Variants in CTHRC1 observed in about 807,000 individuals in gnomAD.
CTHRC1 encodes the protein collagen triple helix repeat-containing protein 1.
CTHRC1 carries 21 observed loss-of-function variants against 25.9 expected under a neutral mutation model. That is an observed-to-expected ratio of 0.81 (90% CI 0.57 to 1.17). CTHRC1 has a LOEUF of 1.17. CTHRC1 is among the 50% of genes most tolerant of loss of function. The probability of loss-of-function intolerance (pLI) is 0.00; values close to 1 mark genes in which losing one functional copy is unlikely to be tolerated. For synonymous variants in CTHRC1, 109 were observed against 113.1 expected (o/e 0.96, Z 0.23); for missense variants, 281 against 304.3 (o/e 0.92, Z 0.57).
intron 3 of CTHRC1, among the ~76,000 whole-genome samples, chr8:103,379,391 G>A (rs959972823): frequency 6.6e-6 from 1 of 151,756 alleles, no homozygotes; most frequent in Non-Finnish European, 1.5e-5. Context: ...CATGATTACA[G>A]GCATGAGCCA....
intron 1 of CTHRC1, chr8:103,372,720 T>G (rs1586550533): frequency 7.1e-7 from 1 of 1,416,874 alleles, no homozygotes; most frequent in Non-Finnish European, 9.8e-7. Flanking sequence ...GGCGGAGAGG[T>G]TCTCTGGCCT....
intron 3 of CTHRC1, among the ~76,000 whole-genome samples, chr8:103,379,704 AT>A (rs1284121253): frequency 9.9e-5 from 15 of 152,160 alleles, no homozygotes; most frequent in African/African-American, 3.1e-4. Context: ...TAATCTTATA[AT>A]TAAAAATGGT....
At chr8:103,372,419 GC>G in intron 1 of CTHRC1, 2 of 1,479,036 alleles carry the variant, frequency 1.4e-6, no homozygotes, top group South Asian at 2.7e-5. Context: ...CACAGCTGGG[GC>G]TAGGAATGGT....
intron 1 of CTHRC1, chr8:103,372,654 G>T (rs1815729000): frequency 6.3e-7 from 1 of 1,597,578 alleles, no homozygotes. Context: ...GCTCATCTGT[G>T]GGAAGGTATG....
At position 103,382,444 on chromosome 8, in the gene CTHRC1, T is replaced by TC. The variant is rs1563710984; in HGVS notation, c.590-13dup. ...GTTCTAAAGAAAGATGTAACTTTCA[T>TC]CTTTGTCTTGCAGTGGAAGGACTTT... On this transcript the variant is annotated splice_polypyrimidine_tract_variant and intron_variant, in intron 3 of 3. Coordinates refer to ENST00000330295, the MANE Select transcript of CTHRC1 (RefSeq NM_138455.4). The TC allele has an allele frequency of 6.2e-7, 1 of 1,613,706 alleles. No individual in the cohort carries two copies. Among genetic ancestry groups the TC allele is most frequent in the Non-Finnish European group, 8.5e-7 (1 of 1,179,688 alleles).
chr8:103,377,636 C>T (rs964686051), intron 2 of CTHRC1, among the ~76,000 whole-genome samples: 1 of 152,118 alleles, frequency 6.6e-6, no homozygotes, highest in African/African-American at 2.4e-5. Context: ...CAGAGTCTCA[C>T]TTTTTTGCCC....
intron 3 of CTHRC1, among the ~76,000 whole-genome samples, chr8:103,379,120 T>C (rs929958371): frequency 6.6e-6 from 1 of 152,248 alleles, no homozygotes; most frequent in Non-Finnish European, 1.5e-5. Context: ...CTGCTGAATT[T>C]GTAAAAGACA....
At chr8:103,376,060 TAAAAA>T (rs72124849) in intron 2 of CTHRC1, 101 bp downstream of exon 2, 83,693 of 908,696 alleles carry the variant, frequency 0.092, 4,519 homozygotes, top group East Asian at 0.18. Context: ...CTAAAAGACT[TAAAAA>T]AGAGAAGTAG....
intron 3 of CTHRC1, among the ~76,000 whole-genome samples, chr8:103,380,600 G>A (rs1257193314): frequency 6.6e-6 from 1 of 152,150 alleles, no homozygotes; most frequent in South Asian, 2.1e-4. Flanking sequence ...CCAACATATC[G>A]TTTTTACTTA....
chr8:103,376,179 TC>T, intron 2 of CTHRC1: 1 of 606,118 alleles, frequency 1.6e-6, no homozygotes, highest in South Asian at 2.1e-5. Context: ...AACCATAGTA[TC>T]TAAAATAACA....
At chr8:103,380,495 G>A (rs930274961) in intron 3 of CTHRC1, among the ~76,000 whole-genome samples, 2 of 152,202 alleles carry the variant, frequency 1.3e-5, no homozygotes, top group Non-Finnish European at 2.9e-5. Flanking sequence ...GCATATCAGA[G>A]GATGGCTTAA....
chr8:103,377,261 A>C (rs1424181985), intron 2 of CTHRC1: 5 of 152,274 alleles, frequency 3.3e-5, no homozygotes, highest in Non-Finnish European at 4.4e-5. Context: ...GTTGCTCGAA[A>C]AGAAACACGT....
intron 1 of CTHRC1, 101 bp downstream of exon 1, chr8:103,371,907 T>A: frequency 1.7e-6 from 2 of 1,191,546 alleles, no homozygotes; most frequent in South Asian, 1.7e-5. Context: ...GGGGTGTCTG[T>A]CTGTACAGCT....
In CTHRC1 at chr8:103,378,177, A is replaced by T. The variant is rs1375867887; in HGVS notation, c.523A>T (p.Ile175Leu). Residue 175 changes from isoleucine (I) to leucine (L), a missense_variant, in exon 3 of 4, where the codon ATA becomes TTA. Ile to Leu is a conservative substitution (Grantham distance 5, BLOSUM62 2). Coordinates refer to ENST00000330295, the MANE Select transcript of CTHRC1 (RefSeq NM_138455.4). ...ECSGPLPIEA[I>L]IYLDQGSPEM... ...TTCAGGACCTCTTCCCATTGAAGCT[A>T]TAATTTATTTGGACCAAGGAAGCCC... is the stretch of plus-strand genomic sequence containing the variant. The T allele has an allele frequency of 4.3e-6, 7 of 1,614,206 alleles. No homozygotes were observed. Among genetic ancestry groups the T allele is most frequent in the Non-Finnish European group, 5.9e-6 (7 of 1,180,028 alleles).
intron 2 of CTHRC1, among the ~76,000 whole-genome samples, chr8:103,376,438 G>A (rs1479902217): frequency 2.0e-5 from 3 of 152,158 alleles, no homozygotes; most frequent in African/African-American, 7.2e-5. Context: ...AAGTGAAATG[G>A]GTTAGATGTG....
At chr8:103,381,842 C>CA (rs1197312560) in intron 3 of CTHRC1, among the ~76,000 whole-genome samples, 1 of 151,848 alleles carries the variant, frequency 6.6e-6, no homozygotes, top group Non-Finnish European at 1.5e-5. Context: ...ACTAAAAATA[C>CA]AAAAAATTAG....
In CTHRC1 at chr8:103,371,837, C is replaced by T. The variant is rs7825198; in HGVS notation, c.150+31C>T. Reference sequence around the variant, plus strand: ...TCCGAGGGAGCCGAGCCGGGACCGCCGCGCTGGTGGAGGGGACCTGGCCGC... The same window carrying T: ...TCCGAGGGAGCCGAGCCGGGACCGCTGCGCTGGTGGAGGGGACCTGGCCGC... On this transcript the variant is annotated intron_variant, in intron 1 of 3. Transcript: ENST00000330295. The T allele has an allele frequency of 2.9e-3, 4,311 of 1,474,810 alleles. 126 individuals are homozygous for T. The African/African-American group carries it at 0.057, about 19-fold the overall frequency. The allele number at this position is 1,474,810 out of a possible 1,614,324, so 91.4% of individuals were successfully genotyped here. A position where few individuals can be genotyped will look rare whatever the true frequency, so the allele number is the denominator to read the frequency against.
In CTHRC1 at chr8:103,371,618, C is replaced by T; in HGVS notation, c.-39C>T. 2.6e-6 allele frequency: 4 copies of T among 1,527,618 alleles called. No individual in the cohort carries two copies. The East Asian group carries it at 7.8e-5, about 30-fold the overall frequency. The allele number at this position is 1,527,618 out of a possible 1,614,324, so 94.6% of individuals were successfully genotyped here. On this transcript the variant is annotated 5_prime_UTR_variant, in exon 1 of 4. Coordinates refer to ENST00000330295, the MANE Select transcript of CTHRC1 (RefSeq NM_138455.4). ...TGACCACGTTCCTCTCCTCGGTCTC[C>T]TCCGCCTCCAGCTCCGCGCTGCCCG...
intron 1 of CTHRC1, among the ~76,000 whole-genome samples, chr8:103,373,559 G>T (rs996503889): frequency 6.6e-6 from 1 of 151,252 alleles, no homozygotes; most frequent in African/African-American, 2.4e-5. Flanking sequence ...AAGTTATATA[G>T]TCTTTGAAAT....
Sources: allele counts gnomAD v4.1 joint callset (sites outside exome capture counted in the v4.1 genomes callset), GRCh38; gene constraint gnomAD v4.1.1; transcripts MANE v1.5; gene names NCBI Gene and HGNC (gene_info 2026-07-23, HGNC 2026-07-21).